The following GMFB variants were observed in gnomAD, a reference collection of about 807,000 sequenced individuals.
GMFB encodes glia maturation factor beta.
Under a neutral mutation model 25.6 loss-of-function variants are expected in GMFB, and 13 were observed. The ratio of observed to expected loss-of-function variants is 0.51; its 90% confidence interval spans 0.33 to 0.81. GMFB has a LOEUF of 0.81. Among genes scored for constraint, GMFB ranks in the 30% least tolerant of loss-of-function variants. GMFB has a pLI of 0.02. For synonymous variants in GMFB, 57 were observed against 56.9 expected (o/e 1.00, Z 0.00); for missense variants, 146 against 175.4 (o/e 0.83, Z 0.95).
chr14:54,488,774 C>G (rs1391756308), intron 1 of GMFB, 151 bp downstream of exon 1: 3 of 586,086 alleles, frequency 5.1e-6, no homozygotes, highest in South Asian at 2.4e-5. Context: ...GCCAAGTACT[C>G]TAGCTATGGG....
chr14:54,484,957 T>A (rs1413430924), intron 1 of GMFB, among the ~76,000 whole-genome samples: 1 of 152,046 alleles, frequency 6.6e-6, no homozygotes, highest in Non-Finnish European at 1.5e-5. Flanking sequence ...TGAAAAAACA[T>A]TTGATAAAAT....
Position 54,481,441 on chromosome 14 carries a change from T to C in GMFB, c.168A>G (p.Glu56=). Residue 56 remains glutamate (E), a synonymous_variant, in exon 4 of 7, where the codon GAA becomes GAG. Coordinates refer to ENST00000358056, the MANE Select transcript of GMFB (RefSeq NM_004124.3). ...DEELEGISPD[E]LKDELPERQP... Reference sequence around the variant, plus strand: ...GTCGTTCAGGTAGTTCATCTTTAAGTTCATCTGGTGAAATGCCCTGGCACC... The same window carrying C: ...GTCGTTCAGGTAGTTCATCTTTAAGCTCATCTGGTGAAATGCCCTGGCACC... 2.5e-6 allele frequency: 4 copies of C among 1,609,754 alleles called. No homozygotes were observed. The highest frequency in any genetic ancestry group is 3.4e-6 in the Non-Finnish European group (4 of 1,176,432).
chr14:54,478,180 T>A (rs1482408717), intron 6 of GMFB, 21 bp from the exon 7 acceptor site: 4 of 932,420 alleles, frequency 4.3e-6, no homozygotes, highest in Non-Finnish European at 6.2e-6. Flanking sequence ...AAAAAAAACT[T>A]GGGTCATACT....
chr14:54,483,628 A>G, intron 2 of GMFB, 43 bp downstream of exon 2: 1 of 993,122 alleles, frequency 1.0e-6, no homozygotes, highest in Non-Finnish European at 1.6e-6. Context: ...GATTAAAAAC[A>G]AATTAAGACC....
At chr14:54,483,641 G>A (rs1463340449) in intron 2 of GMFB, 30 bp downstream of exon 2, 2 of 1,108,328 alleles carry the variant, frequency 1.8e-6, no homozygotes. Context: ...TTAAGACCAT[G>A]TAACTTTGAG....
chr14:54,483,000 T>C (rs939981624), intron 2 of GMFB: 2 of 152,208 alleles, frequency 1.3e-5, no homozygotes, highest in Non-Finnish European at 2.9e-5. Flanking sequence ...TCTGATTAAA[T>C]CACATCTGCC....
intron 1 of GMFB, among the ~76,000 whole-genome samples, chr14:54,484,561 C>T (rs2031758271): frequency 6.6e-6 from 1 of 151,992 alleles, no homozygotes; most frequent in Non-Finnish European, 1.5e-5. Context: ...AGTCTCCCAT[C>T]AAAGAAAAAC....
At position 54,478,105 on chromosome 14, in the gene GMFB, G is replaced by C. The variant is rs2031663695; in HGVS notation, c.412C>G (p.Leu138Val). The C allele has an allele frequency of 7.0e-7, 1 of 1,431,148 alleles. No homozygotes were observed. Among genetic ancestry groups the C allele is most frequent in the South Asian group, 1.4e-5 (1 of 72,980 alleles). 88.7% of individuals were successfully genotyped at this position (1,431,148 alleles called of 1,614,324 possible). The change falls in exon 7 of 7, where the codon CTT becomes GTT. Residue 138 changes from leucine to valine, a missense_variant. Physicochemically the swap from Leu to Val is conservative, Grantham distance 32 (BLOSUM62 1). Transcript: ENST00000358056. ...DLTEEWLREK[L>V]GFFH ...AGTTCACATTAGTGAAAAAATCCAA[G>C]TTTCTCACGTAACCATTCTTCAGTT...
chr14:54,478,328 C>T (rs1280038483), intron 6 of GMFB, 169 bp from the exon 7 acceptor site: 1 of 417,896 alleles, frequency 2.4e-6, no homozygotes, highest in African/African-American at 2.1e-5. Context: ...ATGACTTAAC[C>T]TGTGTAAATG....
In GMFB at chr14:54,477,178, T is replaced by C. The variant is rs1326195531; in HGVS notation, c.*910A>G. On this transcript the variant is annotated 3_prime_UTR_variant, in exon 7 of 7. Coordinates refer to ENST00000358056, the MANE Select transcript of GMFB (RefSeq NM_004124.3). ...AGTTGATTTTATTACAAATTTCAGATATACACATTAGAAAATTATTTTATT... is the reference window on the plus strand; with the variant it reads ...AGTTGATTTTATTACAAATTTCAGACATACACATTAGAAAATTATTTTATT... The C allele has an allele frequency of 1.3e-5, 2 of 152,492 alleles. No individual in the cohort carries two copies. Among genetic ancestry groups the C allele is most frequent in the Admixed American group, 6.6e-5 (1 of 15,264 alleles). 9.4% of individuals were successfully genotyped at this position (152,492 alleles called of 1,614,324 possible).
chr14:54,481,204 T>G, intron 4 of GMFB: 1 of 583,094 alleles, frequency 1.7e-6, no homozygotes, highest in South Asian at 2.3e-5. Flanking sequence ...CACGTTATAA[T>G]AAAGGAAATA....
At chr14:54,487,539 A>AAAAC (rs746058665) in intron 1 of GMFB, among the ~76,000 whole-genome samples, 2 of 150,286 alleles carry the variant, frequency 1.3e-5, no homozygotes, top group Non-Finnish European at 3.0e-5. Flanking sequence ...ACTCCATCTC[A>AAAAC]AAACAAACAA....
At chr14:54,480,532 A>G in intron 5 of GMFB, 1 of 185,616 alleles carries the variant, frequency 5.4e-6, no homozygotes. Context: ...ATATGCAATT[A>G]TATGTGAAGT....
In GMFB at chr14:54,483,964, T is replaced by G. The variant is rs937794128; in HGVS notation, c.4-197A>C. On this transcript the variant is annotated intron_variant, in intron 1 of 6. Transcript: ENST00000358056. Reference sequence around the variant, plus strand: ...ATCTACATTGCTTAATCCTACAAATTTGTTCATCTCATATATGTAAGGTAT... The same window carrying G: ...ATCTACATTGCTTAATCCTACAAATGTGTTCATCTCATATATGTAAGGTAT... 3 of 678,418 alleles carry G rather than the reference T, an allele frequency of 4.4e-6. No homozygotes were observed. In the African/African-American group the frequency reaches 5.3e-5, roughly 12 times the overall value. The allele number at this position is 678,418 out of a possible 1,614,324, so 42.0% of individuals were successfully genotyped here.
intron 6 of GMFB, 118 bp downstream of exon 6, chr14:54,479,668 A>G: frequency 1.2e-5 from 7 of 572,756 alleles, no homozygotes; most frequent in Non-Finnish European, 2.2e-5. Context: ...CTAACTTACT[A>G]ATCTGGTCTA....
intron 2 of GMFB, among the ~76,000 whole-genome samples, chr14:54,482,972 T>C (rs569013372): frequency 2.2e-4 from 33 of 152,360 alleles, no homozygotes; most frequent in African/African-American, 7.2e-4. Context: ...TCAGAATTCA[T>C]GACAAGTTGT....
intron 1 of GMFB, among the ~76,000 whole-genome samples, chr14:54,488,449 G>C (rs1362387091): frequency 6.6e-6 from 1 of 152,240 alleles, no homozygotes; most frequent in Admixed American, 6.5e-5. Context: ...AGGTGAGGCC[G>C]AGAGAATTCA....
rs1472772234 is a variant in GMFB at position 54,474,486 on chromosome 14, C to A, written c.*3602G>T. The A allele has an allele frequency of 1.3e-5, 2 of 152,612 alleles. No homozygotes were observed. The highest frequency in any genetic ancestry group is 2.9e-5 in the Non-Finnish European group (2 of 68,028). 9.5% of individuals were successfully genotyped at this position (152,612 alleles called of 1,614,324 possible). On this transcript the variant is annotated 3_prime_UTR_variant, in exon 7 of 7. Transcript: ENST00000358056. ...GAGTAAAAAAAGAAAAGCTGGAAGT[C>A]TTTTAATGTTAACATTTTATTTAAA...
intron 2 of GMFB, 68 bp from the exon 3 acceptor site, chr14:54,482,270 A>G: frequency 1.1e-6 from 1 of 938,588 alleles, no homozygotes; most frequent in Non-Finnish European, 1.7e-6. Context: ...AACCCACACA[A>G]TCTCAGCCTT....
Sources: allele counts gnomAD v4.1 joint callset (sites outside exome capture counted in the v4.1 genomes callset), GRCh38; gene constraint gnomAD v4.1.1; transcripts MANE v1.5; gene names NCBI Gene and HGNC (gene_info 2026-07-23, HGNC 2026-07-21).